Variants in PCDHA2 observed in about 807,000 individuals in gnomAD.
PCDHA2 encodes the protein protocadherin alpha 2, also known as protocadherin alpha-2.
In PCDHA2, 58 loss-of-function variants were observed where a neutral mutation model predicts 66.0. The ratio of observed to expected loss-of-function variants is 0.88; its 90% CI spans 0.71 to 1.09. The LOEUF is 1.09. Among genes scored for constraint, PCDHA2 ranks in the 50% least tolerant of loss-of-function variants. The pLI, the probability that PCDHA2 is intolerant of heterozygous loss-of-function variation, is 0.00. For synonymous variants in PCDHA2, 634 were observed against 554.0 expected (o/e 1.14, Z -2.03); for missense variants, 1,267 against 1,242.3 (o/e 1.02, Z -0.30).
rs782242128 is a variant in PCDHA2 at position 140,928,580 on chromosome 5, GT to G, written c.2389-50367del. 100 of 1,614,112 alleles carry G rather than the reference GT, an allele frequency of 6.2e-5. 1 individual carries two copies. The East Asian group carries it at 2.2e-3, about 36-fold the overall frequency. ...ATCTTGTTTCCCTTGCCCAGAAATG[GT>G]TCTGTCCCAGTGGAAATTGTGCCCC... On this transcript the variant is annotated intron_variant, in intron 1 of 3. Transcript: ENST00000526136.
chr5:140,926,857 T>C (rs782114974), intron 1 of PCDHA2: 12 of 1,520,736 alleles, frequency 7.9e-6, no homozygotes, highest in Admixed American at 2.2e-5. Context: ...ACCGTTGGTG[T>C]AGCGTGTTGG....
intron 1 of PCDHA2, chr5:140,823,380 C>T (rs2150125210): frequency 1.2e-6 from 2 of 1,612,686 alleles, no homozygotes; most frequent in East Asian, 2.2e-5. Flanking sequence ...TCCAGGTGAG[C>T]GCGCGCGACG....
At chr5:141,005,352 GGAATGTCATA>G (rs1261780276) in intron 3 of PCDHA2, among the ~76,000 whole-genome samples, 2 of 152,178 alleles carry the variant, frequency 1.3e-5, no homozygotes, top group Non-Finnish European at 2.9e-5. Flanking sequence ...TGCTTGGCTA[GGAATGTCATA>G]GAATGCCTTT....
intron 1 of PCDHA2, chr5:140,829,930 C>G (rs2150178008): frequency 1.2e-6 from 2 of 1,613,986 alleles, no homozygotes; most frequent in Non-Finnish European, 1.7e-6. Context: ...AGCTGCAGCC[C>G]CCGGCAAGCA....
At chr5:140,898,864 A>C (rs1401711928) in intron 1 of PCDHA2, among the ~76,000 whole-genome samples, 3 of 149,656 alleles carry the variant, frequency 2.0e-5, no homozygotes, top group African/African-American at 7.5e-5. Flanking sequence ...CTTTTATTTC[A>C]TTGAGCAGTG....
intron 1 of PCDHA2, chr5:140,804,829 C>T: frequency 2.5e-6 from 1 of 399,998 alleles, no homozygotes; most frequent in Non-Finnish European, 4.4e-6. Flanking sequence ...CTGGTTAATA[C>T]TCATTGACAG....
chr5:140,879,675 G>A (rs141369145), intron 1 of PCDHA2, among the ~76,000 whole-genome samples: 1 of 152,360 alleles, frequency 6.6e-6, no homozygotes, highest in South Asian at 2.1e-4. Context: ...CAAACTGGGT[G>A]CTGTAAAACA....
At chr5:140,971,661 TAGAG>T (rs2096491377) in intron 1 of PCDHA2, among the ~76,000 whole-genome samples, 1 of 152,064 alleles carries the variant, frequency 6.6e-6, no homozygotes, top group Non-Finnish European at 1.5e-5. Context: ...AGATGGGAAT[TAGAG>T]AGGAAGAGTA....
At chr5:140,884,706 C>T (rs1554181856) in intron 1 of PCDHA2, 3 of 1,489,002 alleles carry the variant, frequency 2.0e-6, no homozygotes, top group Non-Finnish European at 8.9e-7. Flanking sequence ...ACACTTTAGC[C>T]TTCCTTGCAG....
intron 1 of PCDHA2, chr5:140,870,674 A>G (rs893862947): frequency 7.4e-6 from 12 of 1,612,566 alleles, no homozygotes; most frequent in Admixed American, 6.7e-5. Flanking sequence ...CCGTTGGACC[A>G]CGAGGAGCTG....
intron 1 of PCDHA2, chr5:140,809,333 C>T (rs781869245): frequency 1.2e-6 from 2 of 1,614,092 alleles, no homozygotes; most frequent in South Asian, 2.2e-5. Context: ...GCTCACGCTG[C>T]TGCTGTACAC....
intron 1 of PCDHA2, chr5:140,968,053 A>C: frequency 6.2e-7 from 1 of 1,614,154 alleles, no homozygotes; most frequent in Non-Finnish European, 8.5e-7. Flanking sequence ...CACTGGACCG[A>C]GAGCGGGTGG....
At chr5:140,954,065 G>A (rs2153701349) in intron 1 of PCDHA2, among the ~76,000 whole-genome samples, 1 of 152,278 alleles carries the variant, frequency 6.6e-6, no homozygotes, top group African/African-American at 2.4e-5. Context: ...TTATTATGCT[G>A]AGGATAATGG....
At chr5:140,808,820 C>T (rs1298867948) in intron 1 of PCDHA2, 3 of 1,612,966 alleles carry the variant, frequency 1.9e-6, no homozygotes, top group Non-Finnish European at 2.5e-6. Flanking sequence ...CGTGCCACCT[C>T]TGGGCAGCAA....
At position 141,011,086 on chromosome 5, in the gene PCDHA2, C is replaced by T. The variant is rs1181884726; in HGVS notation, c.*1149C>T. The T allele has an allele frequency of 2.6e-5, 4 of 153,678 alleles. No homozygotes were observed. Among genetic ancestry groups the T allele is most frequent in the African/African-American group, 9.7e-5 (4 of 41,430 alleles). The allele number at this position is 153,678 out of a possible 1,614,324, so 9.5% of individuals were successfully genotyped here. On this transcript the variant is annotated 3_prime_UTR_variant, in exon 4 of 4. Coordinates refer to ENST00000526136, the MANE Select transcript of PCDHA2 (RefSeq NM_018905.3). ...TGTATTACTAAATAAAATGATCTCT[C>T]TTTCTCTCTCTCTCTCTCTTTTCTA...
At chr5:140,841,418 T>C in intron 1 of PCDHA2, 9 of 1,613,046 alleles carry the variant, frequency 5.6e-6, no homozygotes, top group Non-Finnish European at 7.6e-6. Context: ...CCAGCTCCAC[T>C]ACTCCGTCCC....
intron 1 of PCDHA2, among the ~76,000 whole-genome samples, chr5:140,844,624 A>G (rs1293220990): frequency 6.7e-6 from 1 of 149,582 alleles, no homozygotes; most frequent in Non-Finnish European, 1.5e-5. Context: ...TTTCATCAGA[A>G]AAACTATACA....
intron 1 of PCDHA2, among the ~76,000 whole-genome samples, chr5:140,972,862 T>C (rs781936892): frequency 2.0e-5 from 3 of 151,966 alleles, no homozygotes; most frequent in Non-Finnish European, 4.4e-5. Context: ...TGGGGTTTCA[T>C]CATGTTGTCC....
intron 1 of PCDHA2, among the ~76,000 whole-genome samples, chr5:140,943,840 G>T (rs528235230): frequency 1.4e-4 from 21 of 152,316 alleles, no homozygotes; most frequent in Non-Finnish European, 2.8e-4. Context: ...GAAGTTGTAA[G>T]ATGTCACAGA....
Sources: allele counts gnomAD v4.1 joint callset (sites outside exome capture counted in the v4.1 genomes callset), GRCh38; gene constraint gnomAD v4.1.1; transcripts MANE v1.5; gene names NCBI Gene and HGNC (gene_info 2026-07-23, HGNC 2026-07-21).